The following TYRO3 variants were observed in gnomAD, a reference collection of about 807,000 sequenced individuals.
TYRO3 encodes tyrosine-protein kinase receptor TYRO3.
Under a neutral mutation model 95.2 loss-of-function variants are expected in TYRO3, and 38 were observed. That is an observed-to-expected ratio of 0.40 (90% CI 0.31 to 0.52). The LOEUF is 0.52. Ranked by LOEUF, TYRO3 falls within the 20% of genes least tolerant of loss-of-function variation. TYRO3 has a pLI of 0.56. For missense variants in TYRO3, 812 were observed against 1,116.4 expected (o/e 0.73, Z 3.89); for synonymous variants, 367 against 432.9 (o/e 0.85, Z 1.89).
At chr15:41,572,304 G>A in intron 14 of TYRO3, 139 bp from the exon 15 acceptor site, 1 of 1,255,228 alleles carries the variant, frequency 8.0e-7, no homozygotes, top group Non-Finnish European at 1.1e-6. Context: ...CCCCAGACCA[G>A]TGTGGAGCCT....
At chr15:41,570,380 C>A in intron 11 of TYRO3, 40 bp downstream of exon 11, 1 of 1,129,406 alleles carries the variant, frequency 8.9e-7, no homozygotes, top group Non-Finnish European at 1.3e-6. Flanking sequence ...AATGGGCTGT[C>A]TTGTGCCCCA....
rs772528971 is a variant in TYRO3, at chr15:41,578,295, CG to C, written c.*23del. ...CTGTTAGCCCACAGGCAGAGGGCAT[CG>C]GGGCCATTTGGCCGGCTCTGGTGGC... On this transcript the variant is annotated 3_prime_UTR_variant, in exon 19 of 19. Transcript: ENST00000263798. 3 of 1,612,764 alleles carry C rather than the reference CG, an allele frequency of 1.9e-6. No homozygotes were observed. The highest frequency in any genetic ancestry group is 1.1e-5 in the South Asian group (1 of 90,980).
intron 9 of TYRO3, 111 bp from the exon 10 acceptor site, chr15:41,569,916 C>A: frequency 7.3e-7 from 1 of 1,378,522 alleles, no homozygotes; most frequent in Admixed American, 2.3e-5. Flanking sequence ...CCTCAGGACC[C>A]TTATTGACCT....
intron 18 of TYRO3, 131 bp downstream of exon 18, chr15:41,573,946 C>G (rs765983401): frequency 5.1e-6 from 5 of 981,026 alleles, no homozygotes; most frequent in Non-Finnish European, 7.6e-6. Flanking sequence ...GAAGGCTGCA[C>G]TCCACCTCAT....
chr15:41,565,243 CAGCTCTTTT>C (rs2055707240), intron 6 of TYRO3, 102 bp downstream of exon 6: 2 of 697,438 alleles, frequency 2.9e-6, no homozygotes. Flanking sequence ...GCTTGGTCTG[CAGCTCTTTT>C]CAGGCTCTGC....
At position 41,561,130 on chromosome 15, in the gene TYRO3, T is replaced by C; in HGVS notation, c.128T>C (p.Leu43Pro). 6.2e-7 allele frequency: 1 copy of C among 1,614,118 alleles called. No individual in the cohort carries two copies. The highest frequency in any genetic ancestry group is 8.5e-7 in the Non-Finnish European group (1 of 1,179,982). ...CATGTTCCTTCCCACCCCTCAGGTC[T>C]GAAGCTCATGGGAGCCCCGGTGAAG... is the stretch of plus-strand genomic sequence containing the variant. ...LLLPESAAAG[L>P]KLMGAPVKLT... The change falls in exon 2 of 19, where the codon CTG becomes CCG. Residue 43 changes from leucine to proline, a missense_variant. By Grantham distance (98) the Leu-to-Pro change is moderately conservative. Coordinates refer to ENST00000263798, the MANE Select transcript of TYRO3 (RefSeq NM_006293.4).
At chr15:41,569,295 AT>A (rs1490567817) in intron 9 of TYRO3, among the ~76,000 whole-genome samples, 1 of 122,070 alleles carries the variant, frequency 8.2e-6, no homozygotes, top group African/African-American at 3.2e-5. Context: ...CTACAAAAAA[AT>A]TAAAAAAAAA....
chr15:41,570,712 G>C lies in TYRO3; in HGVS notation c.1579+13G>C. 1 of 1,043,752 alleles carries C rather than the reference G, an allele frequency of 9.6e-7. No homozygotes were observed. The allele number at this position is 1,043,752 out of a possible 1,614,324, so 64.7% of individuals were successfully genotyped here. On this transcript the variant is annotated intron_variant, in intron 12 of 18. Transcript: ENST00000263798. ...ATGTTGGGCAAAGGTATGTGAGGCT[G>C]TGTGGGGATGGGCATGGCTGGTTTG...
intron 12 of TYRO3, 77 bp downstream of exon 12, chr15:41,570,776 G>C: frequency 4.9e-6 from 7 of 1,440,930 alleles, no homozygotes; most frequent in East Asian, 2.3e-5. Flanking sequence ...GTCACTTTGA[G>C]GCTGTGGGTT....
intron 4 of TYRO3, among the ~76,000 whole-genome samples, chr15:41,563,241 C>T (rs1278274047): frequency 2.0e-5 from 3 of 152,200 alleles, no homozygotes; most frequent in Admixed American, 1.3e-4. Context: ...ACAACTGTGT[C>T]TGTCCATACC....
chr15:41,574,685 G>A (rs1231755822), intron 18 of TYRO3: 7 of 455,640 alleles, frequency 1.5e-5, no homozygotes, highest in Non-Finnish European at 3.1e-5. Flanking sequence ...CCAAGCCAAG[G>A]GCTCCCTAGG....
intron 3 of TYRO3, 172 bp from the exon 4 acceptor site, chr15:41,562,376 G>T: frequency 3.4e-5 from 13 of 382,330 alleles, no homozygotes; most frequent in South Asian, 7.8e-5. Flanking sequence ...GCCTGAAAAA[G>T]AGAAGCACCG....
intron 6 of TYRO3, among the ~76,000 whole-genome samples, chr15:41,566,954 T>C (rs6493005): frequency 0.27 from 41,634 of 152,158 alleles, 5,971 homozygotes; most frequent in Admixed American, 0.36. Context: ...GGCTCCCAGT[T>C]TTCTCTGAGC....
intron 9 of TYRO3, 129 bp from the exon 10 acceptor site, chr15:41,569,898 C>T: frequency 8.4e-7 from 1 of 1,186,608 alleles, no homozygotes; most frequent in Non-Finnish European, 1.2e-6. Context: ...TCCTCTGGAG[C>T]CCCTTTCCCT....
rs1404043526 is a variant in TYRO3 at position 41,582,871 on chromosome 15, A to C, written c.*4595A>C. On this transcript the variant is annotated 3_prime_UTR_variant, in exon 19 of 19. Transcript: ENST00000263798. ...ATTTCTTTTTTTTTTCTTTTTTTTG[A>C]TACAGGGTCTTGCTCTGTTTCTGCC... 1.3e-5 allele frequency: 2 copies of C among 148,908 alleles called. No individual in the cohort carries two copies. The highest frequency in any genetic ancestry group is 2.5e-5 in the African/African-American group (1 of 40,328). 9.2% of individuals were successfully genotyped at this position (148,908 alleles called of 1,614,324 possible).
In TYRO3 at chr15:41,570,994, G is replaced by A. The variant is rs371187102; in HGVS notation, c.1580-44G>A. ...CACTTGGGAGGAAGGTTGGCAGGGA[G>A]CAGAGAGCCAAGGAGACTCTCCCTT... is the stretch of plus-strand genomic sequence containing the variant. On this transcript the variant is annotated intron_variant, in intron 12 of 18. Coordinates refer to ENST00000263798, the MANE Select transcript of TYRO3 (RefSeq NM_006293.4). 7.2e-5 allele frequency: 114 copies of A among 1,586,224 alleles called. No homozygotes were observed. In the African/African-American group the frequency reaches 1.3e-3, roughly 18 times the overall value.
At position 41,559,842 on chromosome 15, in the gene TYRO3, A is replaced by T. The variant is rs546400946; in HGVS notation, c.124+461A>T. Among the ~76,000 whole-genome samples the T allele has an allele frequency of 6.6e-5, 10 of 152,348 alleles. No individual in the cohort carries two copies. In the East Asian group the frequency reaches 1.9e-3, roughly 29 times the overall value. ...GGGGCTGTGAGGGTGCCCAGTCACA[A>T]AAAACAAATGGGCACACTCGAGTTC... On this transcript the variant is annotated intron_variant, in intron 1 of 18. Coordinates refer to ENST00000263798, the MANE Select transcript of TYRO3 (RefSeq NM_006293.4).
At chr15:41,568,441 A>G in intron 8 of TYRO3, 79 bp downstream of exon 8, 2 of 1,450,908 alleles carry the variant, frequency 1.4e-6, no homozygotes, top group Non-Finnish European at 1.9e-6. Flanking sequence ...GAATTTCAAA[A>G]TGATTGTCTT....
chr15:41,570,471 T>A, intron 11 of TYRO3, 131 bp downstream of exon 11: 2 of 1,374,176 alleles, frequency 1.5e-6, no homozygotes, highest in Non-Finnish European at 2.0e-6. Context: ...TCTGCCTGTG[T>A]GGAGTTCACC....
Sources: gnomAD v4.1 joint callset for allele counts (sites outside exome capture counted in the v4.1 genomes callset) on GRCh38, gnomAD v4.1.1 for gene constraint, MANE v1.5 for transcripts, NCBI Gene and HGNC (gene_info 2026-07-23, HGNC 2026-07-21) for gene names.